SAMD12: variants seen among roughly 807,000 people sequenced by gnomAD.
SAMD12 encodes sterile alpha motif domain containing 12.
In SAMD12, 9 loss-of-function variants were observed where a neutral mutation model predicts 15.0. The observed-to-expected ratio is 0.60, with a 90% CI of 0.36 to 1.05. The LOEUF is 1.05. Ranked by LOEUF, SAMD12 falls within the 50% of genes least tolerant of loss-of-function variation. SAMD12 has a pLI of 0.01. For missense variants in SAMD12, 230 were observed against 234.2 expected (o/e 0.98, Z 0.12); for synonymous variants, 86 against 90.1 (o/e 0.96, Z 0.25).
At chr8:118,362,139 G>T (rs555459986) in intron 4 of SAMD12, among the ~76,000 whole-genome samples, 1 of 152,076 alleles carries the variant, frequency 6.6e-6, no homozygotes, top group Non-Finnish European at 1.5e-5. Context: ...GAATTGAAAA[G>T]AAAAGGAGAA....
rs140681977 is a variant in SAMD12 at position 118,484,378 on chromosome 8, A to G, written c.193-44417T>C. ...TGTACAGCACAGTGCCTAGTTAACA[A>G]CACTGCACTGTATACTTAAAAATTT... is the stretch of plus-strand genomic sequence containing the variant. On this transcript the variant is annotated intron_variant, in intron 2 of 3. Coordinates refer to ENST00000314727, the MANE Select transcript of SAMD12 (RefSeq NM_207506.3). Among the ~76,000 whole-genome samples, 778 of 152,292 alleles carry G rather than the reference A, an allele frequency of 5.1e-3. 12 individuals carry two copies. The highest frequency in any genetic ancestry group is 0.017 in the African/African-American group (695 of 41,552).
chr8:118,398,877 T>C (rs1820725163), intron 3 of SAMD12, among the ~76,000 whole-genome samples: 1 of 151,944 alleles, frequency 6.6e-6, no homozygotes, highest in Non-Finnish European at 1.5e-5. Flanking sequence ...AAGCTGTTTT[T>C]TTTGTGTGTG....
intron 3 of SAMD12, among the ~76,000 whole-genome samples, chr8:118,386,216 C>T (rs533003521): frequency 1.3e-4 from 20 of 152,268 alleles, no homozygotes; most frequent in African/African-American, 4.3e-4. Context: ...GGGCTAACAT[C>T]AACGTGTCGG....
At chr8:118,301,509 C>T (rs1815024251) in intron 4 of SAMD12, among the ~76,000 whole-genome samples, 1 of 152,162 alleles carries the variant, frequency 6.6e-6, no homozygotes, top group Non-Finnish European at 1.5e-5. Flanking sequence ...TAATCATGGA[C>T]ACCCACAAGT....
At chr8:118,392,176 C>T (rs1820312359) in intron 3 of SAMD12, among the ~76,000 whole-genome samples, 1 of 152,226 alleles carries the variant, frequency 6.6e-6, no homozygotes, top group South Asian at 2.1e-4. Flanking sequence ...CGCCTGTAAT[C>T]CCAGCACTTT....
chr8:118,393,984 A>T (rs1820423925), intron 3 of SAMD12, among the ~76,000 whole-genome samples: 1 of 149,318 alleles, frequency 6.7e-6, no homozygotes, highest in Non-Finnish European at 1.5e-5. Flanking sequence ...TTCATCAATA[A>T]AAGAGTAATA....
At chr8:118,265,020 A>G (rs185642802) in intron 4 of SAMD12, among the ~76,000 whole-genome samples, 1 of 152,230 alleles carries the variant, frequency 6.6e-6, no homozygotes, top group East Asian at 1.9e-4. Flanking sequence ...GCAATGAGGC[A>G]TTTTCATAAT....
rs1184986348 is a variant in SAMD12 at position 118,378,336 on chromosome 8, C to T, written c.*1081G>A. 1 of 899,028 alleles carries T rather than the reference C, an allele frequency of 1.1e-6. No individual in the cohort carries two copies. The highest frequency in any genetic ancestry group is 1.3e-6 in the Non-Finnish European group (1 of 751,414). The allele number at this position is 899,028 out of a possible 1,614,324, so 55.7% of individuals were successfully genotyped here. A position where few individuals can be genotyped will look rare whatever the true frequency, so the allele number is the denominator to read the frequency against. On this transcript the variant is annotated 3_prime_UTR_variant, in exon 4 of 4. Transcript: ENST00000314727. ...CTTATCATAATCTTCGTATTTCTATCTACTTCTTAAAAGAAGCTTAAAAGC... is the reference window on the plus strand; with the variant it reads ...CTTATCATAATCTTCGTATTTCTATTTACTTCTTAAAAGAAGCTTAAAAGC...
In SAMD12 at chr8:118,251,929, TA is replaced by T. The variant is rs1012777871; in HGVS notation, c.434-54198del. On this transcript the variant is annotated intron_variant, in intron 4 of 4. Transcript: ENST00000409003. ...AATATTCAGTTGACTGAATTTTCAT[TA>T]AAAAAAAAAAGAGAAAGAGAAATAC... Among the ~76,000 whole-genome samples the T allele has an allele frequency of 2.1e-3, 302 of 143,694 alleles. 2 individuals carry two copies. Among genetic ancestry groups the T allele is most frequent in the East Asian group, 8.4e-3 (42 of 4,980 alleles). 94.3% of individuals were successfully genotyped at this position (143,694 alleles called of 152,430 possible).
chr8:118,294,370 T>A (rs1814593738), intron 4 of SAMD12, among the ~76,000 whole-genome samples: 1 of 152,202 alleles, frequency 6.6e-6, no homozygotes, highest in Admixed American at 6.5e-5. Context: ...AATTTAGGCA[T>A]GCGGCGTCAT....
intron 4 of SAMD12, among the ~76,000 whole-genome samples, chr8:118,233,052 G>A (rs2129931255): frequency 6.6e-6 from 1 of 152,284 alleles, no homozygotes; most frequent in Admixed American, 6.5e-5. Flanking sequence ...TGTAATAGCA[G>A]AGAGGAATGA....
At chr8:118,441,465 T>A (rs1822761262) in intron 2 of SAMD12, among the ~76,000 whole-genome samples, 1 of 151,402 alleles carries the variant, frequency 6.6e-6, no homozygotes, top group Non-Finnish European at 1.5e-5. Flanking sequence ...GTTTTTTTTT[T>A]ATTCGTATAT....
At chr8:118,173,929 CTA>C in the SAMD12 span, among the ~76,000 whole-genome samples, 833 of 149,738 alleles carry the variant, frequency 5.6e-3, 7 homozygotes, top group African/African-American at 0.019. Flanking sequence ...CACATCCAGC[CTA>C]TATATATATA....
chr8:118,239,224 T>A (rs1316206546), intron 4 of SAMD12, among the ~76,000 whole-genome samples: 1 of 152,252 alleles, frequency 6.6e-6, no homozygotes, highest in Middle Eastern at 3.4e-3. Context: ...AAGCTCTACA[T>A]TTAGATATAT....
At chr8:118,585,276 T>C (rs764416010) in intron 1 of SAMD12, among the ~76,000 whole-genome samples, 1 of 152,144 alleles carries the variant, frequency 6.6e-6, no homozygotes, top group Non-Finnish European at 1.5e-5. Context: ...TGGCTACACA[T>C]GGGCTGTGGG....
At chr8:118,613,047 G>A (rs1031464106) in intron 1 of SAMD12, among the ~76,000 whole-genome samples, 1 of 152,206 alleles carries the variant, frequency 6.6e-6, no homozygotes, top group Admixed American at 6.5e-5. Context: ...AGGGGCTGTG[G>A]GTAGAGGGAA....
chr8:118,153,442 A>G, the SAMD12 span, among the ~76,000 whole-genome samples: 2 of 152,216 alleles, frequency 1.3e-5, no homozygotes, highest in Admixed American at 1.3e-4. Context: ...AAGGAACTGC[A>G]AAATATACTC....
chr8:118,329,987 G>A (rs186775592), intron 4 of SAMD12, among the ~76,000 whole-genome samples: 132 of 152,220 alleles, frequency 8.7e-4, no homozygotes, highest in African/African-American at 3.0e-3. Flanking sequence ...TTTGTAGGAG[G>A]AAGAAGAACT....
intron 4 of SAMD12, among the ~76,000 whole-genome samples, chr8:118,299,431 C>T (rs7817037): frequency 0.051 from 7,699 of 152,212 alleles, 567 homozygotes; most frequent in African/African-American, 0.16. Flanking sequence ...TGATGAAAGA[C>T]GTGGGTCTCT....
Sources: gnomAD v4.1 joint callset for allele counts (sites outside exome capture counted in the v4.1 genomes callset) on GRCh38, gnomAD v4.1.1 for gene constraint, MANE v1.5 for transcripts, NCBI Gene and HGNC (gene_info 2026-07-23, HGNC 2026-07-21) for gene names.